FAM118A: variants seen among roughly 807,000 people sequenced by gnomAD.
FAM118A encodes the protein protein FAM118A.
Under a neutral mutation model 38.2 loss-of-function variants are expected in FAM118A, and 25 were observed. That is an observed-to-expected ratio of 0.65 (90% CI 0.48 to 0.91). The LOEUF (loss-of-function observed/expected upper bound fraction) is 0.91. Ranked by LOEUF, FAM118A falls within the 40% of genes least tolerant of loss-of-function variation. FAM118A has a pLI of 0.00. For missense variants in FAM118A, 425 were observed against 463.3 expected (o/e 0.92, Z 0.76); for synonymous variants, 178 against 184.1 (o/e 0.97, Z 0.27).
Position 45,341,890 on chromosome 22 carries a change from T to TC in FAM118A, c.*1486dup. The TC allele has an allele frequency of 6.6e-6, 1 of 152,278 alleles. No homozygotes were observed. Among genetic ancestry groups the TC allele is most frequent in the Non-Finnish European group, 1.5e-5 (1 of 68,026 alleles). 9.4% of individuals were successfully genotyped at this position (152,278 alleles called of 1,614,324 possible). On this transcript the variant is annotated 3_prime_UTR_variant, in exon 9 of 9. Transcript: ENST00000441876. ...AGAGAAGCCCTGAAAACTTTTTTTT[T>TC]CTTTTTGAAGCATGGAAAACAAATC... is the stretch of plus-strand genomic sequence containing the variant.
At chr22:45,315,661 A>T (rs1344586916) in intron 1 of FAM118A, among the ~76,000 whole-genome samples, 1 of 150,706 alleles carries the variant, frequency 6.6e-6, no homozygotes, top group African/African-American at 2.4e-5. Flanking sequence ...AGAGAGGTCT[A>T]CCTGGCTGGG....
chr22:45,340,620 G>A lies in FAM118A; in HGVS notation c.*215G>A. On this transcript the variant is annotated 3_prime_UTR_variant, in exon 9 of 9. Transcript: ENST00000441876. ...GGAGGGTGACGCGGACACATTTCAG[G>A]TGGACTTTGCAAGGACTGATGGATA... 1 of 597,358 alleles carries A rather than the reference G, an allele frequency of 1.7e-6. No homozygotes were observed. The highest frequency in any genetic ancestry group is 3.0e-6 in the Non-Finnish European group (1 of 335,792). The allele number at this position is 597,358 out of a possible 1,614,324, so 37.0% of individuals were successfully genotyped here.
intron 8 of FAM118A, among the ~76,000 whole-genome samples, chr22:45,339,415 T>C (rs553748084): frequency 3.2e-4 from 49 of 152,150 alleles, no homozygotes; most frequent in African/African-American, 1.2e-3. Flanking sequence ...GATAAAATAA[T>C]AATAATAGTT....
intron 5 of FAM118A, 108 bp from the exon 6 acceptor site, chr22:45,332,317 C>A: frequency 8.3e-7 from 1 of 1,203,056 alleles, no homozygotes; most frequent in Non-Finnish European, 1.2e-6. Context: ...GCCCTGGGAA[C>A]GCCTGTCAGG....
At chr22:45,312,636 T>C (rs2084422261) in intron 1 of FAM118A, among the ~76,000 whole-genome samples, 1 of 152,212 alleles carries the variant, frequency 6.6e-6, no homozygotes, top group Non-Finnish European at 1.5e-5. Flanking sequence ...ATTTTGACAC[T>C]GCATTCCAGC....
upstream of FAM118A, chr22:45,309,890 C>T (rs1332457906): frequency 6.6e-6 from 1 of 152,048 alleles, no homozygotes; most frequent in Non-Finnish European, 1.5e-5. Flanking sequence ...GGTTTCGGGA[C>T]GGAACGTTCA....
At chr22:45,320,916 A>T (rs2084839389) in intron 1 of FAM118A, among the ~76,000 whole-genome samples, 1 of 152,232 alleles carries the variant, frequency 6.6e-6, no homozygotes, top group Admixed American at 6.5e-5. Context: ...TTCACAATAT[A>T]CAGGCTTTGT....
At chr22:45,327,696 G>C in intron 3 of FAM118A, 146 bp from the exon 4 acceptor site, 1 of 763,540 alleles carries the variant, frequency 1.3e-6, no homozygotes, top group East Asian at 2.7e-5. Flanking sequence ...CTGTCCCCCT[G>C]CTCTGGGGTT....
At chr22:45,326,886 T>C (rs2085313156) in intron 3 of FAM118A, among the ~76,000 whole-genome samples, 1 of 140,654 alleles carries the variant, frequency 7.1e-6, no homozygotes, top group Non-Finnish European at 1.5e-5. Context: ...TGTGTGCACC[T>C]ATAGTCCCAG....
At position 45,327,815 on chromosome 22, in the gene FAM118A, G is replaced by T. The variant is rs6007591; in HGVS notation, c.301-27G>T. 6,753 of 1,610,926 alleles carry T rather than the reference G, an allele frequency of 4.2e-3. 91 individuals carry two copies. The highest frequency in any genetic ancestry group is 0.038 in the African/African-American group (2,886 of 74,986). On this transcript the variant is annotated intron_variant, in intron 3 of 8. Coordinates refer to ENST00000441876, the MANE Select transcript of FAM118A (RefSeq NM_017911.4). ...AGTAGTTGTTAAGAGCTGATGTTTT[G>T]GTAACTGTCGTTCCACCTTTTTGTA... is the stretch of plus-strand genomic sequence containing the variant.
chr22:45,339,018 G>A (rs887324176), intron 8 of FAM118A, among the ~76,000 whole-genome samples: 2 of 152,224 alleles, frequency 1.3e-5, no homozygotes, highest in Admixed American at 6.5e-5. Flanking sequence ...TGCCGTCCAG[G>A]GGCAGGGAAG....
intron 2 of FAM118A, among the ~76,000 whole-genome samples, 167 bp from the exon 3 acceptor site, chr22:45,323,008 A>G (rs1447846809): frequency 6.6e-6 from 1 of 151,612 alleles, no homozygotes; most frequent in Non-Finnish European, 1.5e-5. Flanking sequence ...AAAGAAGGAT[A>G]CACAGGCCGT....
At chr22:45,312,563 A>G (rs770916809) in intron 1 of FAM118A, among the ~76,000 whole-genome samples, 2 of 152,126 alleles carry the variant, frequency 1.3e-5, no homozygotes, top group African/African-American at 2.4e-5. Flanking sequence ...AATCTCAGCT[A>G]CTCAGGAGGC....
rs755365145 is a variant in FAM118A, at chr22:45,332,704, AG to A, written c.932del (p.Ser311ThrfsTer25). On this transcript the variant is annotated frameshift_variant, in exon 6 of 9. Transcript: ENST00000441876. LOFTEE classifies it high-confidence loss of function. ...DLATQICKQQ[S>X]PDADRVDSTT... is the part of the protein sequence containing the mutation. ...TGCCACTCAGATCTGCAAACAGCAA[AG>A]CCCAGGTATGGGATCTGGCTTCACT... 1.8e-4 allele frequency: 292 copies of A among 1,588,460 alleles called. No individual in the cohort carries two copies. The highest frequency in any genetic ancestry group is 2.9e-4 in the Admixed American group (16 of 55,558).
At chr22:45,330,372 G>C in intron 4 of FAM118A, 1 of 286,752 alleles carries the variant, frequency 3.5e-6, no homozygotes. Flanking sequence ...GCTAACAGCC[G>C]ATCCTCTCTC....
chr22:45,328,619 A>T, intron 4 of FAM118A: 1 of 585,316 alleles, frequency 1.7e-6, no homozygotes, highest in Non-Finnish European at 3.0e-6. Context: ...TGACAGAGTA[A>T]GACCCTTTCT....
intron 6 of FAM118A, 146 bp from the exon 7 acceptor site, chr22:45,335,204 A>G: frequency 2.7e-6 from 2 of 750,526 alleles, no homozygotes; most frequent in East Asian, 2.5e-5. Flanking sequence ...GGCAGCGAGC[A>G]GCGCAGGAGT....
Position 45,323,040 on chromosome 22 carries a change from A to AGTGTGT in FAM118A, c.48-135_48-134insGTGTGT. 2.3e-5 allele frequency: 12 copies of AGTGTGT among 518,982 alleles called. No individual in the cohort carries two copies. The South Asian group carries it at 4.8e-4, about 21-fold the overall frequency. 32.1% of individuals were successfully genotyped at this position (518,982 alleles called of 1,614,324 possible). A position where few individuals can be genotyped will look rare whatever the true frequency, so the allele number is the denominator to read the frequency against. ...CCGTCTCCCCACAGCGTCAGAGGGG[A>AGTGTGT]CTGTGTGTGTGTGTGTGTGTGTGTG... On this transcript the variant is annotated intron_variant, in intron 2 of 8. Coordinates refer to ENST00000441876, the MANE Select transcript of FAM118A (RefSeq NM_017911.4).
rs1414034506 is a variant in FAM118A at position 45,336,313 on chromosome 22, A to C, written c.971-15A>C. The C allele has an allele frequency of 3.7e-6, 6 of 1,604,712 alleles. No individual in the cohort carries two copies. The highest frequency in any genetic ancestry group is 1.3e-5 in the African/African-American group (1 of 74,638). ...TCTGAATAAACAAGCTTCTTAATAA[A>C]TTCTTCTCTTTTAGGTAATGCATGC... On this transcript the variant is annotated splice_polypyrimidine_tract_variant and intron_variant, in intron 7 of 8. Transcript: ENST00000441876.
Sources: allele counts gnomAD v4.1 joint callset (sites outside exome capture counted in the v4.1 genomes callset), GRCh38; gene constraint gnomAD v4.1.1; transcripts MANE v1.5; gene names NCBI Gene and HGNC (gene_info 2026-07-23, HGNC 2026-07-21).